The following RARB variants were observed in gnomAD, a reference collection of about 807,000 sequenced individuals.
The protein encoded by RARB is retinoic acid receptor beta, also known as HBV-activated protein.
Under a neutral mutation model 51.9 loss-of-function variants are expected in RARB, and 17 were observed. The observed-to-expected ratio is 0.33, with a 90% CI of 0.22 to 0.49. The LOEUF (loss-of-function observed/expected upper bound fraction) is 0.49, where lower values mean the gene tolerates loss of function less well. Among genes scored for constraint, RARB ranks in the 20% least tolerant of loss-of-function variants. RARB has a pLI of 0.99. For missense variants in RARB, 369 were observed against 550.8 expected (o/e 0.67, Z 3.30); for synonymous variants, 215 against 195.4 (o/e 1.10, Z -0.84).
At chr3:25,002,866 A>C (rs1697195515) in intron 2 of RARB, among the ~76,000 whole-genome samples, 1 of 151,984 alleles carries the variant, frequency 6.6e-6, no homozygotes, top group African/African-American at 2.4e-5. Context: ...TGTTAGGGAG[A>C]TCAATTGAGT....
chr3:25,491,958 A>T (rs931865024), intron 2 of RARB, among the ~76,000 whole-genome samples: 1 of 150,500 alleles, frequency 6.6e-6, no homozygotes, highest in African/African-American at 2.4e-5. Flanking sequence ...AAAAAAAATT[A>T]TAAAATTATT....
intron 5 of RARB, among the ~76,000 whole-genome samples, chr3:25,232,009 A>C (rs1490138326): frequency 6.6e-6 from 1 of 151,626 alleles, no homozygotes; most frequent in Non-Finnish European, 1.5e-5. Flanking sequence ...AAAGTGATAA[A>C]GTTTTATGCT....
chr3:24,873,823 G>C (rs908465659), intron 2 of RARB, among the ~76,000 whole-genome samples: 7 of 151,602 alleles, frequency 4.6e-5, no homozygotes, highest in African/African-American at 1.7e-4. Context: ...ATCGGGTAAG[G>C]GGTCTTTTTA....
chr3:25,205,359 C>A (rs947937745), intron 5 of RARB, among the ~76,000 whole-genome samples: 1 of 152,182 alleles, frequency 6.6e-6, no homozygotes, highest in Non-Finnish European at 1.5e-5. Context: ...AATTCCCTGA[C>A]CCCTTGCACT....
At chr3:25,131,061 T>G (rs1397318710) in intron 3 of RARB, among the ~76,000 whole-genome samples, 1 of 151,522 alleles carries the variant, frequency 6.6e-6, no homozygotes, top group Non-Finnish European at 1.5e-5. Context: ...TTATTATTAT[T>G]TCTTCCAAAA....
At position 25,378,828 on chromosome 3, in the gene RARB, TAGTATTTC is replaced by T. The variant is rs1365171130; in HGVS notation, c.179-82355_179-82348del. 3.3e-5 allele frequency among the ~76,000 whole-genome samples: 5 copies of T among 152,250 alleles called. No homozygotes were observed. The East Asian group carries it at 5.8e-4, about 18-fold the overall frequency. ...ATGTGTGTCTTGGTTTCTTATGAGG[TAGTATTTC>T]AGTATTTCATAAAGAAGCTATCAGG... is the stretch of plus-strand genomic sequence containing the variant. On this transcript the variant is annotated intron_variant, in intron 5 of 11. Coordinates refer to the RARB transcript ENST00000383772.
chr3:24,926,148 C>A (rs754878644), intron 2 of RARB, among the ~76,000 whole-genome samples: 74 of 151,910 alleles, frequency 4.9e-4, no homozygotes, highest in Non-Finnish European at 1.3e-4. Flanking sequence ...GATCCTAATG[C>A]GGAGTTTTGT....
chr3:25,081,600 TA>T (rs1698997507), intron 3 of RARB, among the ~76,000 whole-genome samples: 7 of 18,324 alleles, frequency 3.8e-4, no homozygotes, highest in South Asian at 3.6e-3. Flanking sequence ...TATATATATA[TA>T]TATATATATA....
intron 4 of RARB, among the ~76,000 whole-genome samples, chr3:25,578,489 A>T (rs1701033887): frequency 6.6e-6 from 1 of 152,158 alleles, no homozygotes; most frequent in Admixed American, 6.5e-5. Context: ...TTTTTTCCAG[A>T]TGGATACTCT....
chr3:24,992,495 A>G (rs565413327), intron 2 of RARB, among the ~76,000 whole-genome samples: 1 of 152,282 alleles, frequency 6.6e-6, no homozygotes, highest in East Asian at 1.9e-4. Flanking sequence ...CAGATTAAGA[A>G]AAAGCACTAC....
intron 2 of RARB, among the ~76,000 whole-genome samples, chr3:25,013,287 AC>A: frequency 6.6e-6 from 1 of 152,240 alleles, no homozygotes. Flanking sequence ...CCTTATGTCA[AC>A]CTGGGAACCA....
At chr3:25,082,738 A>G (rs1274850737) in intron 3 of RARB, among the ~76,000 whole-genome samples, 2 of 152,014 alleles carry the variant, frequency 1.3e-5, no homozygotes, top group Non-Finnish European at 1.5e-5. Context: ...AGCTCTTTAT[A>G]CTGAATTTCC....
chr3:25,196,558 T>A (rs1360222489), intron 5 of RARB, among the ~76,000 whole-genome samples: 1 of 152,186 alleles, frequency 6.6e-6, no homozygotes, highest in East Asian at 1.9e-4. Flanking sequence ...TATAGCAACA[T>A]GATTTATAAT....
At chr3:25,109,009 T>G (rs1699556307) in intron 3 of RARB, among the ~76,000 whole-genome samples, 1 of 152,132 alleles carries the variant, frequency 6.6e-6, no homozygotes, top group African/African-American at 2.4e-5. Flanking sequence ...ATCCCTGCAT[T>G]GCCACACACC....
chr3:25,262,465 G>C (rs769202035), intron 5 of RARB, among the ~76,000 whole-genome samples: 23 of 152,136 alleles, frequency 1.5e-4, no homozygotes, highest in Non-Finnish European at 2.6e-4. Flanking sequence ...ATCTCATTGG[G>C]CTAACGTCAA....
chr3:25,081,051 CTCT>C (rs1355917105), intron 3 of RARB, among the ~76,000 whole-genome samples: 1 of 151,990 alleles, frequency 6.6e-6, no homozygotes, highest in Non-Finnish European at 1.5e-5. Context: ...GTTTAATTTG[CTCT>C]TCTTTGCTCT....
intron 2 of RARB, among the ~76,000 whole-genome samples, chr3:24,962,667 G>A (rs2125412516): frequency 6.6e-6 from 1 of 152,298 alleles, no homozygotes; most frequent in African/African-American, 2.4e-5. Context: ...GCTGCACATG[G>A]AAGGCATCTG....
At chr3:25,268,560 G>T (rs896960880) in intron 5 of RARB, among the ~76,000 whole-genome samples, 3 of 152,178 alleles carry the variant, frequency 2.0e-5, no homozygotes, top group African/African-American at 7.2e-5. Context: ...AGGAATGGAA[G>T]AATTTATTAA....
At chr3:24,978,627 C>G (rs1421766317) in intron 2 of RARB, among the ~76,000 whole-genome samples, 1 of 151,642 alleles carries the variant, frequency 6.6e-6, no homozygotes, top group Non-Finnish European at 1.5e-5. Context: ...TTTATTGCGT[C>G]TATTTGATTC....
Sources: gnomAD v4.1 joint callset for allele counts (sites outside exome capture counted in the v4.1 genomes callset) on GRCh38, gnomAD v4.1.1 for gene constraint, MANE v1.5 for transcripts, NCBI Gene and HGNC (gene_info 2026-07-23, HGNC 2026-07-21) for gene names.